GLIS1: variants seen among roughly 807,000 people sequenced by gnomAD.
GLIS1 encodes GLIS family zinc finger 1, also known as zinc finger protein GLIS1.
In GLIS1, 24 loss-of-function variants were observed where a neutral mutation model predicts 63.8. That is an observed-to-expected ratio of 0.38 (90% CI 0.27 to 0.53). The LOEUF (loss-of-function observed/expected upper bound fraction) is 0.53, where lower values mean the gene tolerates loss of function less well. Among genes scored for constraint, GLIS1 ranks in the 20% least tolerant of loss-of-function variants. The probability of loss-of-function intolerance (pLI) is 0.85; values close to 1 mark genes in which losing one functional copy is unlikely to be tolerated. For synonymous variants in GLIS1, 450 were observed against 482.5 expected (o/e 0.93, Z 0.88); for missense variants, 1,036 against 1,074.1 (o/e 0.96, Z 0.50).
intron 2 of GLIS1, among the ~76,000 whole-genome samples, chr1:53,700,370 C>T (rs754246202): frequency 4.6e-5 from 7 of 152,136 alleles, no homozygotes; most frequent in Non-Finnish European, 8.8e-5. Context: ...GGAGGGTACG[C>T]GGCTCCGTGG....
chr1:53,508,094 G>A (rs536781241), intron 10 of GLIS1, among the ~76,000 whole-genome samples: 5 of 152,230 alleles, frequency 3.3e-5, no homozygotes, highest in African/African-American at 9.6e-5. Flanking sequence ...GCCATGAGTC[G>A]TGGGGTGGGT....
chr1:53,525,099 ACCTC>A (rs1644452460), intron 5 of GLIS1, among the ~76,000 whole-genome samples: 1 of 152,116 alleles, frequency 6.6e-6, no homozygotes, highest in Non-Finnish European at 1.5e-5. Flanking sequence ...CCATCCTGGG[ACCTC>A]AGGTCAGTTG....
intron 4 of GLIS1, among the ~76,000 whole-genome samples, chr1:53,582,067 C>A (rs1304973707): frequency 6.6e-6 from 1 of 152,150 alleles, no homozygotes; most frequent in Non-Finnish European, 1.5e-5. Flanking sequence ...AGCTCTGAAC[C>A]CCTGGCCTCA....
intron 4 of GLIS1, among the ~76,000 whole-genome samples, chr1:53,550,849 TTTTA>T (rs1469667544): frequency 2.0e-5 from 3 of 152,008 alleles, no homozygotes; most frequent in Admixed American, 6.5e-5. Flanking sequence ...CAATTTTTAT[TTTTA>T]TTTATTTATT....
chr1:53,632,519 G>C (rs1645667706), intron 2 of GLIS1, among the ~76,000 whole-genome samples: 2 of 140,960 alleles, frequency 1.4e-5, no homozygotes, highest in Admixed American at 1.4e-4. Context: ...GGTGTAATGT[G>C]TGTGACGGGC....
chr1:53,701,955 T>C (rs1646527132), intron 2 of GLIS1, among the ~76,000 whole-genome samples: 1 of 138,456 alleles, frequency 7.2e-6, no homozygotes, highest in Non-Finnish European at 1.5e-5. Flanking sequence ...ATTATACCAC[T>C]GCACTCTAGC....
intron 2 of GLIS1, among the ~76,000 whole-genome samples, chr1:53,602,174 T>C (rs1325073046): frequency 1.3e-5 from 2 of 152,170 alleles, no homozygotes; most frequent in Non-Finnish European, 2.9e-5. Context: ...AAGCTTATGT[T>C]TTAATAACTG....
At chr1:53,520,841 AG>A in intron 6 of GLIS1, 75 bp from the exon 7 acceptor site, 1 of 1,457,060 alleles carries the variant, frequency 6.9e-7, no homozygotes, top group Non-Finnish European at 9.2e-7. Context: ...GTTAGGGGAC[AG>A]GGCAGAAAGG....
At chr1:53,633,988 G>GT (rs1426190759) in intron 2 of GLIS1, among the ~76,000 whole-genome samples, 1 of 152,218 alleles carries the variant, frequency 6.6e-6, no homozygotes, top group Non-Finnish European at 1.5e-5. Flanking sequence ...CAGATCCACT[G>GT]TGAGTGCAGA....
chr1:53,547,034 T>C (rs1053558321), intron 4 of GLIS1, among the ~76,000 whole-genome samples: 1 of 152,230 alleles, frequency 6.6e-6, no homozygotes, highest in Non-Finnish European at 1.5e-5. Flanking sequence ...ATACAGCAGG[T>C]GCTCAGGGCA....
chr1:53,527,292 T>C (rs567174469), intron 5 of GLIS1, among the ~76,000 whole-genome samples: 3 of 152,308 alleles, frequency 2.0e-5, no homozygotes, highest in Admixed American at 1.3e-4. Flanking sequence ...CAGCGGCTTA[T>C]TCGAGTCCGC....
intron 4 of GLIS1, among the ~76,000 whole-genome samples, chr1:53,531,854 T>C (rs1644534458): frequency 1.3e-5 from 2 of 152,242 alleles, no homozygotes; most frequent in South Asian, 4.2e-4. Context: ...CACTGATGCA[T>C]TCACCTCATT....
intron 2 of GLIS1, among the ~76,000 whole-genome samples, chr1:53,730,290 G>A (rs2141078): frequency 0.044 from 6,645 of 152,164 alleles, 201 homozygotes; most frequent in Non-Finnish European, 0.064. Context: ...AACCTCTGCC[G>A]GCACGTGTAA....
intron 2 of GLIS1, among the ~76,000 whole-genome samples, chr1:53,660,811 G>C (rs1447191641): frequency 6.6e-6 from 1 of 152,200 alleles, no homozygotes; most frequent in Non-Finnish European, 1.5e-5. Flanking sequence ...GGGCTCAGCA[G>C]GGAGGAGAGA....
chr1:53,536,986 C>T (rs1180514422), intron 4 of GLIS1, among the ~76,000 whole-genome samples: 12 of 152,262 alleles, frequency 7.9e-5, no homozygotes, highest in African/African-American at 2.9e-4. Flanking sequence ...AACCGTGAAG[C>T]CCCAGACCAT....
intron 2 of GLIS1, among the ~76,000 whole-genome samples, chr1:53,600,665 G>GT (rs1378027025): frequency 2.0e-5 from 3 of 152,194 alleles, no homozygotes; most frequent in African/African-American, 7.2e-5. Flanking sequence ...GAGGCAAGGT[G>GT]TGAGAACACC....
intron 6 of GLIS1, among the ~76,000 whole-genome samples, chr1:53,520,994 G>A (rs1335409293): frequency 6.6e-6 from 1 of 152,224 alleles, no homozygotes; most frequent in African/African-American, 2.4e-5. Context: ...CAACATGCAA[G>A]GATTTAAATG....
intron 2 of GLIS1, among the ~76,000 whole-genome samples, chr1:53,605,565 A>G (rs188929546): frequency 6.6e-6 from 1 of 152,264 alleles, no homozygotes; most frequent in African/African-American, 2.4e-5. Context: ...CAACATCACT[A>G]TAGTACTCTC....
At chr1:53,670,672 C>CTCCAGTGTCTT (rs1646141816) in intron 2 of GLIS1, among the ~76,000 whole-genome samples, 1 of 152,182 alleles carries the variant, frequency 6.6e-6, no homozygotes, top group Admixed American at 6.5e-5. Context: ...CACAGCAAAG[C>CTCCAGTGTCTT]TCCAGTGTCT....
Sources: gnomAD v4.1 joint callset for allele counts (sites outside exome capture counted in the v4.1 genomes callset) on GRCh38, gnomAD v4.1.1 for gene constraint, MANE v1.5 for transcripts, NCBI Gene and HGNC (gene_info 2026-07-23, HGNC 2026-07-21) for gene names.